PXDNL: variants seen among roughly 807,000 people sequenced by gnomAD.
PXDNL encodes the protein probable oxidoreductase PXDNL.
Under a neutral mutation model 150.8 loss-of-function variants are expected in PXDNL, and 145 were observed. The ratio of observed to expected loss-of-function variants is 0.96; its 90% CI spans 0.84 to 1.10. The LOEUF (loss-of-function observed/expected upper bound fraction) is 1.10. PXDNL is among the 50% of genes least tolerant of loss of function. PXDNL has a pLI of 0.00. For synonymous variants in PXDNL, 757 were observed against 725.7 expected, an observed-to-expected ratio of 1.04 and a Z score of -0.69; for missense variants, 2,087 against 1,873.9, an observed-to-expected ratio of 1.11 and a Z score of -2.10.
intron 1 of PXDNL, among the ~76,000 whole-genome samples, chr8:51,671,846 G>C (rs1815504701): frequency 6.6e-6 from 1 of 152,132 alleles, no homozygotes; most frequent in South Asian, 2.1e-4. Flanking sequence ...ACACTCACCA[G>C]TATATAGTAG....
intron 2 of PXDNL, among the ~76,000 whole-genome samples, chr8:51,619,161 A>G (rs1243151435): frequency 1.3e-5 from 2 of 152,158 alleles, no homozygotes; most frequent in Admixed American, 1.3e-4. Context: ...TTCTTCCCCA[A>G]GGTGGACATA....
intron 4 of PXDNL, among the ~76,000 whole-genome samples, chr8:51,515,833 G>A (rs533788149): frequency 6.6e-6 from 1 of 152,228 alleles, no homozygotes; most frequent in Non-Finnish European, 1.5e-5. Flanking sequence ...CAATAATTGT[G>A]ATCATTTTGA....
chr8:51,393,266 G>T (rs1344931516), intron 17 of PXDNL, among the ~76,000 whole-genome samples: 1 of 152,150 alleles, frequency 6.6e-6, no homozygotes, highest in Non-Finnish European at 1.5e-5. Context: ...CATAGACTTA[G>T]CATCCAGGCA....
chr8:51,508,978 C>G (rs967242645), intron 4 of PXDNL, among the ~76,000 whole-genome samples: 16 of 152,168 alleles, frequency 1.1e-4, no homozygotes, highest in Admixed American at 5.2e-4. Flanking sequence ...AGATGCTGCA[C>G]CCATCCCAAA....
At chr8:51,354,636 GA>G (rs1806449108) in intron 19 of PXDNL, among the ~76,000 whole-genome samples, 1 of 152,032 alleles carries the variant, frequency 6.6e-6, no homozygotes, top group Admixed American at 6.6e-5. Flanking sequence ...AAAATACCAA[GA>G]GGCACTTATT....
At chr8:51,697,835 G>C (rs1471067020) in intron 1 of PXDNL, among the ~76,000 whole-genome samples, 1 of 152,148 alleles carries the variant, frequency 6.6e-6, no homozygotes, top group East Asian at 1.9e-4. Context: ...AGCATAGTTT[G>C]GAGATATTGT....
chr8:51,544,861 T>C (rs1812320444), intron 4 of PXDNL, among the ~76,000 whole-genome samples: 1 of 152,124 alleles, frequency 6.6e-6, no homozygotes, highest in Admixed American at 6.5e-5. Flanking sequence ...ATAAATTTAA[T>C]TTAAAATGGA....
intron 1 of PXDNL, among the ~76,000 whole-genome samples, chr8:51,721,144 A>G (rs1298241082): frequency 6.6e-6 from 1 of 152,214 alleles, no homozygotes; most frequent in Non-Finnish European, 1.5e-5. Context: ...CAACCTTCAA[A>G]GGGCACACCA....
At chr8:51,335,580 C>T (rs4428663) in intron 21 of PXDNL, among the ~76,000 whole-genome samples, 430 of 152,076 alleles carry the variant, frequency 2.8e-3, no homozygotes, top group Non-Finnish European at 4.3e-3. Context: ...CGAGTACATG[C>T]ATGCACACAT....
intron 4 of PXDNL, among the ~76,000 whole-genome samples, chr8:51,500,924 G>A (rs553047373): frequency 2.0e-5 from 3 of 152,252 alleles, no homozygotes; most frequent in Admixed American, 1.3e-4. Context: ...TTAAGAAAAA[G>A]AAATACTTTT....
intron 2 of PXDNL, among the ~76,000 whole-genome samples, chr8:51,634,104 T>G (rs1814551241): frequency 6.6e-6 from 1 of 152,070 alleles, no homozygotes; most frequent in Non-Finnish European, 1.5e-5. Context: ...ATTTTTAGAG[T>G]TTGTGATCTT....
chr8:51,743,958 A>AGGAAGGAAGG (rs57072005), intron 1 of PXDNL, among the ~76,000 whole-genome samples: 1 of 11,196 alleles, frequency 8.9e-5, no homozygotes. Flanking sequence ...GAGAGAAAGA[A>AGGAAGGAAGG]AAAAGAGAGA....
intron 1 of PXDNL, among the ~76,000 whole-genome samples, chr8:51,716,978 T>C (rs971645483): frequency 6.6e-6 from 1 of 152,148 alleles, no homozygotes; most frequent in Non-Finnish European, 1.5e-5. Flanking sequence ...TAACAGAAAA[T>C]CCTAATCAGA....
chr8:51,392,467 T>G (rs1421017672), intron 17 of PXDNL, among the ~76,000 whole-genome samples: 1 of 152,166 alleles, frequency 6.6e-6, no homozygotes, highest in Non-Finnish European at 1.5e-5. Flanking sequence ...CCCTTGTAAG[T>G]TGGATTTCTA....
chr8:51,703,886 T>A (rs1816308908), intron 1 of PXDNL, among the ~76,000 whole-genome samples: 1 of 152,368 alleles, frequency 6.6e-6, no homozygotes, highest in Admixed American at 6.5e-5. Context: ...TTTCTTCTAA[T>A]GTTTTCCAGA....
intron 4 of PXDNL, among the ~76,000 whole-genome samples, chr8:51,512,832 A>C (rs1033027723): frequency 6.6e-6 from 1 of 152,186 alleles, no homozygotes; most frequent in Non-Finnish European, 1.5e-5. Flanking sequence ...TAACATAAAA[A>C]AGAGTCTGAA....
At position 51,699,538 on chromosome 8, in the gene PXDNL, T is replaced by G. The variant is rs1273741096; in HGVS notation, c.165-44778A>C. On this transcript the variant is annotated intron_variant, in intron 1 of 22. Coordinates refer to ENST00000356297, the MANE Select transcript of PXDNL (RefSeq NM_144651.5). ...TTAGCAATAAGGCTGTTTCGCTTAT[T>G]CATGTGTTCACTGGAGTAGCACTTT... Among the ~76,000 whole-genome samples, 4 of 152,238 alleles carry G rather than the reference T, an allele frequency of 2.6e-5. No homozygotes were observed. The East Asian group carries it at 7.7e-4, about 29-fold the overall frequency.
intron 14 of PXDNL, among the ~76,000 whole-genome samples, chr8:51,414,313 A>G (rs1412089086): frequency 6.6e-6 from 1 of 151,964 alleles, no homozygotes; most frequent in Non-Finnish European, 1.5e-5. Context: ...TCTAGATATT[A>G]CAGGAAAATT....
At chr8:51,782,076 G>C (rs1040139049) in intron 1 of PXDNL, among the ~76,000 whole-genome samples, 3 of 151,732 alleles carry the variant, frequency 2.0e-5, no homozygotes, top group African/African-American at 7.3e-5. Context: ...CTGCCCATTG[G>C]TGTCTAGGGG....
Sources: allele counts gnomAD v4.1 joint callset (sites outside exome capture counted in the v4.1 genomes callset), GRCh38; gene constraint gnomAD v4.1.1; transcripts MANE v1.5; gene names NCBI Gene and HGNC (gene_info 2026-07-23, HGNC 2026-07-21).